GUK1: variants seen among roughly 807,000 people sequenced by gnomAD.
GUK1 encodes guanylate kinase.
A neutral mutation model predicts 25.2 loss-of-function variants in GUK1; 18 were observed. The ratio of observed to expected loss-of-function variants is 0.71; its 90% CI spans 0.49 to 1.06. The LOEUF is 1.06. Among genes scored for constraint, GUK1 ranks in the 50% least tolerant of loss-of-function variants. The probability of loss-of-function intolerance (pLI) is 0.00; values close to 1 mark genes in which losing one functional copy is unlikely to be tolerated. For synonymous variants in GUK1, 105 were observed against 117.6 expected (o/e 0.89, Z 0.69); for missense variants, 261 against 276.7 (o/e 0.94, Z 0.40).
At chr1:228,141,868 A>G in intron 2 of GUK1, 1 of 991,988 alleles carries the variant, frequency 1.0e-6, no homozygotes, top group Non-Finnish European at 1.3e-6. Context: ...CTTGCCAGGC[A>G]GCTGATTGGA....
Position 228,141,156 on chromosome 1 carries a change from G to A in GUK1, c.-135G>A. ...CTGCTCTTTACCTGGGGTTGCTGTC[G>A]AGGACCCTGTGCAAGACTCGGCCGG... On this transcript the variant is annotated 5_prime_UTR_variant, in exon 2 of 9. Coordinates refer to ENST00000312726, the MANE Select transcript of GUK1 (RefSeq NM_000858.7). 1.0e-6 allele frequency: 1 copy of A among 985,606 alleles called. No homozygotes were observed. Among genetic ancestry groups the A allele is most frequent in the Non-Finnish European group, 1.2e-6 (1 of 830,132 alleles). The allele number at this position is 985,606 out of a possible 1,614,324, so 61.1% of individuals were successfully genotyped here. A position where few individuals can be genotyped will look rare whatever the true frequency, so the allele number is the denominator to read the frequency against.
At position 228,148,475 on chromosome 1, in the gene GUK1, C is replaced by A; in HGVS notation, c.561+19C>A. On this transcript the variant is annotated intron_variant, in intron 8 of 8. Coordinates refer to ENST00000312726, the MANE Select transcript of GUK1 (RefSeq NM_000858.7). ...CTCTGAGGTGGGCCCATCCTTGTGC[C>A]TACCTGGGCAAGGCCCAAGGGGAGG... 6.4e-7 allele frequency: 1 copy of A among 1,553,918 alleles called. No individual in the cohort carries two copies. The highest frequency in any genetic ancestry group is 8.7e-7 in the Non-Finnish European group (1 of 1,146,566).
In GUK1 at chr1:228,147,425, G is replaced by A. The variant is rs200469661; in HGVS notation, c.271G>A (p.Val91Met). The A allele has an allele frequency of 4.7e-5, 75 of 1,611,926 alleles. No individual in the cohort carries two copies. The highest frequency in any genetic ancestry group is 1.8e-4 in the East Asian group (8 of 44,870). ...CCCCAGCAAGGTGGCGGTGCAGGCC[G>A]TGCAGGCCATGAACCGCATCTGTGT... Residue 91 changes from valine to methionine, a missense_variant, in exon 6 of 9, where the codon GTG (valine) becomes ATG (methionine). Val to Met is a conservative substitution (Grantham distance 21). Coordinates refer to ENST00000312726, the MANE Select transcript of GUK1 (RefSeq NM_000858.7).
intron 1 of GUK1, 34 bp downstream of exon 1, chr1:228,140,397 C>G: frequency 7.0e-7 from 1 of 1,430,304 alleles, no homozygotes; most frequent in Non-Finnish European, 9.3e-7. Context: ...GAGGGTGACT[C>G]GGGTCGAGGC....
intron 2 of GUK1, chr1:228,141,696 C>T: frequency 1.6e-6 from 2 of 1,288,818 alleles, no homozygotes; most frequent in Non-Finnish European, 2.0e-6. Context: ...TCCAGGAAAG[C>T]GGCTGCTGGG....
chr1:228,143,139 T>G (rs1162870730), intron 2 of GUK1, among the ~76,000 whole-genome samples: 1 of 152,058 alleles, frequency 6.6e-6, no homozygotes, highest in African/African-American at 2.4e-5. Flanking sequence ...TCCTTCTGTG[T>G]GGGTTTATAG....
chr1:228,146,410 T>G, intron 4 of GUK1: 1 of 462,030 alleles, frequency 2.2e-6, no homozygotes. Context: ...AGGGCTACTC[T>G]GCCTGCCTGA....
chr1:228,148,532 C>T (rs1365038611), intron 8 of GUK1, 76 bp downstream of exon 7: 3 of 1,384,710 alleles, frequency 2.2e-6, no homozygotes, highest in African/African-American at 2.9e-5. Flanking sequence ...GTCCATGAGG[C>T]CACTGAGGTT....
chr1:228,148,436 C>A lies in GUK1; in HGVS notation c.541C>A (p.Leu181Met). Reference sequence around the variant, plus strand: ...CAGCCTGGACCAGGCCTACGCAGAGCTGAAGGAGGCGCTCTCTGAGGTGGG... The same window carrying A: ...CAGCCTGGACCAGGCCTACGCAGAGATGAAGGAGGCGCTCTCTGAGGTGGG... The change falls in exon 8 of 9, where the codon CTG becomes ATG. Residue 181 changes from leucine to methionine, a missense_variant. Physicochemically the swap from Leu to Met is conservative, Grantham distance 15. Coordinates refer to ENST00000312726, the MANE Select transcript of GUK1 (RefSeq NM_000858.7). 1 of 1,572,856 alleles carries A rather than the reference C, an allele frequency of 6.4e-7. No individual in the cohort carries two copies. The highest frequency in any genetic ancestry group is 1.2e-5 in the South Asian group (1 of 86,390).
chr1:228,145,690 G>A lies in GUK1; in HGVS notation c.112+66G>A, dbSNP rs565919531. 6.8e-5 allele frequency: 105 copies of A among 1,553,376 alleles called. 2 individuals carry two copies. Among genetic ancestry groups the A allele is most frequent in the South Asian group, 6.3e-4 (53 of 84,074 alleles). ...GGCTGCTGAGTAGTCCTAGCACCGT[G>A]AGCAGGCCAGGAGCCCAAACCCAAC... is the stretch of plus-strand genomic sequence containing the variant. On this transcript the variant is annotated intron_variant, in intron 3 of 8. Coordinates refer to ENST00000312726, the MANE Select transcript of GUK1 (RefSeq NM_000858.7).
upstream of GUK1, chr1:228,140,125 A>G: frequency 1.7e-6 from 1 of 584,464 alleles, no homozygotes; most frequent in Non-Finnish European, 3.0e-6. Context: ...GCGACAGGCC[A>G]GCGCAGGTGG....
intron 2 of GUK1, 46 bp from the exon 2 acceptor site, chr1:228,145,465 G>A: frequency 6.5e-7 from 1 of 1,540,650 alleles, no homozygotes; most frequent in South Asian, 1.2e-5. Flanking sequence ...AGCAGATGGG[G>A]ACTAGAGGCC....
chr1:228,146,857 C>T lies in GUK1; in HGVS notation c.170C>T (p.Thr57Ile), dbSNP rs1233843890. The stretch of plus-strand genomic sequence containing the variant: ...TCTTCCCCAGATTACTACTTTGTAA[C>T]CAGGGAGGTGATGCAGCGTGACATA... Residue 57 changes from threonine (T) to isoleucine (I), a missense_variant, in exon 5 of 9, where the codon ACC (threonine) becomes ATC (isoleucine). Coordinates refer to ENST00000312726, the MANE Select transcript of GUK1 (RefSeq NM_000858.7). 4 of 1,611,176 alleles carry T rather than the reference C, an allele frequency of 2.5e-6. No homozygotes were observed. The highest frequency in any genetic ancestry group is 3.4e-6 in the Non-Finnish European group (4 of 1,177,488).
In GUK1 at chr1:228,147,377, ACCCCTGCTGACCTGGCACCTCT is replaced by A. The variant is rs1558114263; in HGVS notation, c.252-24_252-3del. The A allele has an allele frequency of 6.3e-7, 1 of 1,599,338 alleles. No individual in the cohort carries two copies. Among genetic ancestry groups the A allele is most frequent in the Non-Finnish European group, 8.5e-7 (1 of 1,173,844 alleles). ...CCTGTAGGCCTCAGAGAGCCCTGGCACCCCTGCTGACCTGGCACCTCTCCCCAGCAAGGTGGCGGTGCAGGCC... is the reference window on the plus strand; with the variant it reads ...CCTGTAGGCCTCAGAGAGCCCTGGCACCCCAGCAAGGTGGCGGTGCAGGCC... On this transcript the variant is annotated splice_region_variant and splice_polypyrimidine_tract_variant and intron_variant, in intron 5 of 8. Coordinates refer to ENST00000312726, the MANE Select transcript of GUK1 (RefSeq NM_000858.7).
At chr1:228,148,214 CCCTT>C in intron 7 of GUK1, 153 bp from the exon 7 acceptor site, 1 of 705,246 alleles carries the variant, frequency 1.4e-6, no homozygotes, top group Admixed American at 2.0e-5. Context: ...CAGGGGGCGG[CCCTT>C]CCCTACCCTG....
At chr1:228,145,683 G>T in intron 3 of GUK1, 59 bp downstream of exon 2, 1 of 1,565,910 alleles carries the variant, frequency 6.4e-7, no homozygotes, top group Non-Finnish European at 8.7e-7. Context: ...AGTAGTCCTA[G>T]CACCGTGAGC....
At chr1:228,143,761 T>A (rs1260889582) in intron 2 of GUK1, among the ~76,000 whole-genome samples, 1 of 152,044 alleles carries the variant, frequency 6.6e-6, no homozygotes, top group Non-Finnish European at 1.5e-5. Context: ...GCCAGGTTAG[T>A]GGGGAGGCCC....
At chr1:228,147,132 C>T (rs1219557955) in intron 5 of GUK1, among the ~76,000 whole-genome samples, 194 bp downstream of exon 4, 2 of 152,176 alleles carry the variant, frequency 1.3e-5, no homozygotes, top group Non-Finnish European at 1.5e-5. Flanking sequence ...GGGCCCGGTC[C>T]TGCCACCGTG....
At chr1:228,148,191 G>C in intron 7 of GUK1, 180 bp from the exon 7 acceptor site, 1 of 688,652 alleles carries the variant, frequency 1.5e-6, no homozygotes, top group Non-Finnish European at 2.7e-6. Context: ...AGTGGTGCCT[G>C]AGGACTGAGG....
Sources: gnomAD v4.1 joint callset for allele counts (sites outside exome capture counted in the v4.1 genomes callset) on GRCh38, gnomAD v4.1.1 for gene constraint, MANE v1.5 for transcripts, NCBI Gene and HGNC (gene_info 2026-07-23, HGNC 2026-07-21) for gene names.